STIL: variants seen among roughly 807,000 people sequenced by gnomAD.
The protein encoded by STIL is STIL centriolar assembly protein, also known as SCL-interrupting locus protein.
In STIL, 55 loss-of-function variants were observed where a neutral mutation model predicts 110.1. That is an observed-to-expected ratio of 0.50 (90% CI 0.40 to 0.63). The LOEUF (loss-of-function observed/expected upper bound fraction) is 0.63. Ranked by LOEUF, STIL falls within the 20% of genes least tolerant of loss-of-function variation. The pLI, the probability that STIL is intolerant of heterozygous loss-of-function variation, is 0.00. For missense variants in STIL, 1,358 were observed against 1,530.0 expected (o/e 0.89, Z 1.87); for synonymous variants, 481 against 530.0 (o/e 0.91, Z 1.27).
At chr1:47,310,430 ATAT>A (rs1406406812) in intron 1 of STIL, 68 bp from the exon 2 acceptor site, 1 of 1,002,574 alleles carries the variant, frequency 1.0e-6, no homozygotes, top group African/African-American at 1.6e-5. Flanking sequence ...ATTTAACCAC[ATAT>A]TAAAATTACA....
In STIL at chr1:47,302,211, G is replaced by A. The variant is rs1465664280; in HGVS notation, c.265+23C>T. 3 of 1,553,924 alleles carry A rather than the reference G, an allele frequency of 1.9e-6. No homozygotes were observed. In the South Asian group the frequency reaches 3.3e-5, roughly 17 times the overall value. ...GCTGGGATTACAGGCGTGAGCACTG[G>A]TCCATTTTTAAAAGTGTATTACCTT... On this transcript the variant is annotated intron_variant, in intron 4 of 16. Coordinates refer to ENST00000371877, the MANE Select transcript of STIL (RefSeq NM_001048166.1).
At chr1:47,263,297 T>C (rs1644536008) in intron 14 of STIL, among the ~76,000 whole-genome samples, 181 bp from the exon 15 acceptor site, 1 of 152,172 alleles carries the variant, frequency 6.6e-6, no homozygotes, top group South Asian at 2.1e-4. Context: ...CTGTAATCTG[T>C]GTTTTGGGAG....
At chr1:47,293,566 TA>T in intron 7 of STIL, 22 bp from the exon 8 acceptor site, 2 of 1,576,916 alleles carry the variant, frequency 1.3e-6, no homozygotes, top group Non-Finnish European at 1.7e-6. Flanking sequence ...AGATAGAAAT[TA>T]AAAACCATAG....
At chr1:47,257,061 G>A (rs1220056838) in intron 16 of STIL, among the ~76,000 whole-genome samples, 2 of 152,034 alleles carry the variant, frequency 1.3e-5, no homozygotes, top group Non-Finnish European at 2.9e-5. Flanking sequence ...TGAAGGATAA[G>A]GATTTTGGCA....
intron 9 of STIL, among the ~76,000 whole-genome samples, chr1:47,288,934 C>A (rs1444318788): frequency 2.7e-5 from 4 of 149,458 alleles, no homozygotes; most frequent in Non-Finnish European, 4.5e-5. Flanking sequence ...TGATGGTGGG[C>A]TCCTGTAATC....
chr1:47,269,619 A>G lies in STIL; in HGVS notation c.2615+16T>C, dbSNP rs772571051. ...TTTTGAAAGTAGGATGAAAGACTAAATCAAAGAGACCTTACTTGGATACAG... is the reference window on the plus strand; with the variant it reads ...TTTTGAAAGTAGGATGAAAGACTAAGTCAAAGAGACCTTACTTGGATACAG... On this transcript the variant is annotated intron_variant, in intron 14 of 16. Transcript: ENST00000371877. 24 of 1,611,792 alleles carry G rather than the reference A, an allele frequency of 1.5e-5. No homozygotes were observed. Among genetic ancestry groups the G allele is most frequent in the Non-Finnish European group, 1.7e-5 (20 of 1,178,262 alleles).
Position 47,280,721 on chromosome 1 carries a change from A to G in STIL, c.1737T>C (p.His579=), listed in dbSNP as rs763394205. The G allele has an allele frequency of 1.9e-6, 3 of 1,614,126 alleles. No individual in the cohort carries two copies. The highest frequency in any genetic ancestry group is 2.5e-6 in the Non-Finnish European group (3 of 1,179,962). Residue 579 remains histidine, a synonymous_variant, in exon 12 of 17, where the codon CAT becomes CAC. Transcript: ENST00000371877. ...GAAGTTCCATTGGTCTTCCTGAATT[A>G]TGGGGTGAAAAAACAAAATCGTGTG... ...SQPHDFVFSP[H]NSGRPMELQI... is the part of the protein sequence containing the mutation.
At chr1:47,303,021 A>G (rs1401854509) in intron 3 of STIL, among the ~76,000 whole-genome samples, 1 of 152,230 alleles carries the variant, frequency 6.6e-6, no homozygotes, top group East Asian at 1.9e-4. Flanking sequence ...TATGATTTAA[A>G]TGCTTTAAAA....
intron 1 of STIL, among the ~76,000 whole-genome samples, chr1:47,313,784 A>C (rs535020681): frequency 6.8e-4 from 104 of 152,334 alleles, no homozygotes; most frequent in Non-Finnish European, 1.3e-3. Flanking sequence ...AGTCCTCAAG[A>C]AATTCCCACC....
In STIL at chr1:47,301,569, C is replaced by G; in HGVS notation, c.445G>C (p.Ala149Pro). The change falls in exon 5 of 17, where the codon GCT becomes CCT. Residue 149 changes from alanine to proline, a missense_variant. By Grantham distance (27) the Ala-to-Pro change is conservative (BLOSUM62 -1). Transcript: ENST00000371877. ...IVHSVDDFSS[A>P]LKALQCHICS... ...TTGTCAATGAATCGCACCTTTAAAGCTGAACTGAAGTCATCTACACTGTGA... is the reference window on the plus strand; with the variant it reads ...TTGTCAATGAATCGCACCTTTAAAGGTGAACTGAAGTCATCTACACTGTGA... 6.2e-7 allele frequency: 1 copy of G among 1,613,226 alleles called. No homozygotes were observed. The highest frequency in any genetic ancestry group is 2.2e-5 in the East Asian group (1 of 44,826).
At chr1:47,299,107 GGAGGCT>G (rs1190101598) in intron 6 of STIL, among the ~76,000 whole-genome samples, 1 of 151,366 alleles carries the variant, frequency 6.6e-6, no homozygotes, top group East Asian at 2.0e-4. Flanking sequence ...CAGCACTTTG[GGAGGCT>G]GAGGCAGGAG....
At chr1:47,266,007 A>G (rs1487000394) in intron 14 of STIL, among the ~76,000 whole-genome samples, 2 of 151,900 alleles carry the variant, frequency 1.3e-5, no homozygotes, top group South Asian at 2.1e-4. Flanking sequence ...AGCACAAGCA[A>G]TCGGTTCACT....
chr1:47,279,740 A>AC (rs1427901551), intron 12 of STIL, among the ~76,000 whole-genome samples: 1 of 151,480 alleles, frequency 6.6e-6, no homozygotes, highest in Admixed American at 6.6e-5. Context: ...AAAAAAAAAA[A>AC]AAAAACAACA....
rs147875307 is a variant in STIL, at chr1:47,289,916, C to T, written c.873-331G>A. ...TCGCGCCACTGCACTCCAGCCTGGGCGACAGAGCAAGACTCCGTCTCCAAA... is the reference window on the plus strand; with the variant it reads ...TCGCGCCACTGCACTCCAGCCTGGGTGACAGAGCAAGACTCCGTCTCCAAA... On this transcript the variant is annotated intron_variant, in intron 8 of 16. Coordinates refer to ENST00000371877, the MANE Select transcript of STIL (RefSeq NM_001048166.1). Among the ~76,000 whole-genome samples, 470 of 126,826 alleles carry T rather than the reference C, an allele frequency of 3.7e-3. 3 individuals carry two copies. In the East Asian group the frequency reaches 0.045, roughly 12 times the overall value. The allele number at this position is 126,826 out of a possible 152,430, so 83.2% of individuals were successfully genotyped here.
At chr1:47,306,262 TC>T (rs1207681606) in intron 2 of STIL, among the ~76,000 whole-genome samples, 1 of 93,834 alleles carries the variant, frequency 1.1e-5, no homozygotes, top group Admixed American at 1.7e-4. Context: ...TTCTTTTCTT[TC>T]CTTTTTTTTT....
chr1:47,307,191 C>G (rs1645984466), intron 2 of STIL, among the ~76,000 whole-genome samples: 1 of 152,090 alleles, frequency 6.6e-6, no homozygotes, highest in African/African-American at 2.4e-5. Flanking sequence ...CATGGTGGCA[C>G]ACGCCTGTAA....
chr1:47,289,712 GGGGTCCACCACTTA>G (rs1283406412), intron 8 of STIL, 127 bp from the exon 9 acceptor site: 3 of 885,528 alleles, frequency 3.4e-6, no homozygotes, highest in Non-Finnish European at 3.6e-6. Flanking sequence ...TTCAAAAACT[GGGGTCCACCACTTA>G]GGAAGGCAAA....
At chr1:47,278,541 G>A (rs10157883) in intron 12 of STIL, among the ~76,000 whole-genome samples, 87,325 of 151,864 alleles carry the variant, frequency 0.58, 27,222 homozygotes, top group African/African-American at 0.83. Flanking sequence ...AGTATAATGG[G>A]TCCTTTTAGC....
Position 47,295,724 on chromosome 1 carries a change from C to T in STIL, c.785+41G>A, listed in dbSNP as rs527466805. On this transcript the variant is annotated intron_variant, in intron 7 of 16. Coordinates refer to ENST00000371877, the MANE Select transcript of STIL (RefSeq NM_001048166.1). ...CACATGCTTATCATATACATTTGAACATTTGGCTGATAAGGTTTTCATAAA... is the reference window on the plus strand; with the variant it reads ...CACATGCTTATCATATACATTTGAATATTTGGCTGATAAGGTTTTCATAAA... 179 of 1,350,260 alleles carry T rather than the reference C, an allele frequency of 1.3e-4. 1 individual carries two copies. The South Asian group carries it at 2.0e-3, about 15-fold the overall frequency. 83.6% of individuals were successfully genotyped at this position (1,350,260 alleles called of 1,614,324 possible).
Sources: allele counts gnomAD v4.1 joint callset (sites outside exome capture counted in the v4.1 genomes callset), GRCh38; gene constraint gnomAD v4.1.1; transcripts MANE v1.5; gene names NCBI Gene and HGNC (gene_info 2026-07-23, HGNC 2026-07-21).